ZNF792: variants seen among roughly 807,000 people sequenced by gnomAD.
ZNF792 encodes the protein zinc finger protein 792.
Under a neutral mutation model 13.1 loss-of-function variants are expected in ZNF792, and 14 were observed. That is an observed-to-expected ratio of 1.07 (90% CI 0.71 to 1.67). The LOEUF is 1.67. Ranked by LOEUF, ZNF792 falls within the 40% of genes most tolerant of loss-of-function variation. ZNF792 has a pLI of 0.00. For synonymous variants in ZNF792, 257 were observed against 292.0 expected, an observed-to-expected ratio of 0.88 and a Z score of 1.22; for missense variants, 740 against 807.9, an observed-to-expected ratio of 0.92 and a Z score of 1.02.
chr19:34,963,716 G>A lies in ZNF792; in HGVS notation c.-54C>T, dbSNP rs1460342891. The stretch of plus-strand genomic sequence containing the variant: ...CGGTGCGGGAAACCACGGGGCGGGG[G>A]TAGGGGGTCTCGCAGGCTGAGGCTA... On this transcript the variant is annotated 5_prime_UTR_variant, in exon 1 of 4. Transcript: ENST00000404801. 10 of 1,521,100 alleles carry A rather than the reference G, an allele frequency of 6.6e-6. No homozygotes were observed. Among genetic ancestry groups the A allele is most frequent in the Middle Eastern group, 3.5e-4 (2 of 5,752 alleles). 94.2% of individuals were successfully genotyped at this position (1,521,100 alleles called of 1,614,324 possible). A position where few individuals can be genotyped will look rare whatever the true frequency, so the allele number is the denominator to read the frequency against.
Position 34,963,762 on chromosome 19 carries a change from C to T in ZNF792, c.-100G>A. On this transcript the variant is annotated 5_prime_UTR_variant, in exon 1 of 4. Coordinates refer to ENST00000404801, the MANE Select transcript of ZNF792 (RefSeq NM_175872.5). ...GGCTACCACCCACCTGGCCGTGCCC[C>T]AGACGAGGTGTGACCCCGGGCTGAG... 2.2e-6 allele frequency: 3 copies of T among 1,343,612 alleles called. No individual in the cohort carries two copies. The highest frequency in any genetic ancestry group is 3.0e-6 in the Non-Finnish European group (3 of 998,182). 83.2% of individuals were successfully genotyped at this position (1,343,612 alleles called of 1,614,324 possible). A position where few individuals can be genotyped will look rare whatever the true frequency, so the allele number is the denominator to read the frequency against.
In ZNF792 at chr19:34,958,792, G is replaced by C; in HGVS notation, c.1063C>G (p.Gln355Glu). The change falls in exon 4 of 4, where the codon CAG becomes GAG. Residue 355 changes from glutamine to glutamate, a missense_variant. Transcript: ENST00000404801. Reference sequence around the variant, plus strand: ...TCACCAGTGTGAACCCTCTTATGCTGAATGAGGTTGGAGCTTCGGCTGAAG... The same window carrying C: ...TCACCAGTGTGAACCCTCTTATGCTCAATGAGGTTGGAGCTTCGGCTGAAG... ...KFFSRSSNLI[Q>E]HKRVHTGEKP... 6.2e-7 allele frequency: 1 copy of C among 1,613,204 alleles called. No homozygotes were observed. The highest frequency in any genetic ancestry group is 8.5e-7 in the Non-Finnish European group (1 of 1,179,758).
rs535749588 is a variant in ZNF792, at chr19:34,963,813, C to T, written c.-151G>A. 4 of 913,360 alleles carry T rather than the reference C, an allele frequency of 4.4e-6. No homozygotes were observed. Among genetic ancestry groups the T allele is most frequent in the Admixed American group, 3.2e-5 (1 of 31,170 alleles). The allele number at this position is 913,360 out of a possible 1,614,324, so 56.6% of individuals were successfully genotyped here. A position where few individuals can be genotyped will look rare whatever the true frequency, so the allele number is the denominator to read the frequency against. On this transcript the variant is annotated 5_prime_UTR_variant, in exon 1 of 4. Coordinates refer to ENST00000404801, the MANE Select transcript of ZNF792 (RefSeq NM_175872.5). ...GGTCGCACTCCTAGCCTCAGTCTCC[C>T]CCGTGCAAAATGCGCAAGGGGCCCG...
intron 2 of ZNF792, chr19:34,960,651 T>C: frequency 1.3e-6 from 1 of 756,108 alleles, no homozygotes; most frequent in Non-Finnish European, 2.1e-6. Context: ...GCCTGGAGCT[T>C]CCCTGCAAGG....
At chr19:34,961,330 T>C (rs1209167798) in intron 1 of ZNF792, among the ~76,000 whole-genome samples, 3 of 152,034 alleles carry the variant, frequency 2.0e-5, no homozygotes, top group Non-Finnish European at 4.4e-5. Flanking sequence ...TCATACTCCC[T>C]CCCACGTGCG....
At position 34,958,875 on chromosome 19, in the gene ZNF792, T is replaced by C; in HGVS notation, c.980A>G (p.Lys327Arg). The C allele has an allele frequency of 6.2e-7, 1 of 1,613,598 alleles. No individual in the cohort carries two copies. The highest frequency in any genetic ancestry group is 1.7e-5 in the Admixed American group (1 of 60,002). The stretch of plus-strand genomic sequence containing the variant: ...TTCACCGGTGTGAACCCTGCGATGT[T>C]TAACAAGGCTGGAGTGCTGGCTGAA... ...KFFSQHSSLVKHRRVHTGESP... is the reference protein window; with the variant it reads ...KFFSQHSSLVRHRRVHTGESP... The change falls in exon 4 of 4, where the codon AAA (lysine) becomes AGA (arginine). Residue 327 changes from lysine to arginine, a missense_variant. Lys to Arg is a conservative substitution (Grantham distance 26, BLOSUM62 2). Coordinates refer to ENST00000404801, the MANE Select transcript of ZNF792 (RefSeq NM_175872.5).
In ZNF792 at chr19:34,956,795, C is replaced by T. The variant is rs2013438082; in HGVS notation, c.*1161G>A. ...TTTTTCTCAGTCCCTATTTTCCTGC[C>T]AGCACAGCACTGGCCTTCAGATGCA... On this transcript the variant is annotated 3_prime_UTR_variant, in exon 4 of 4. Transcript: ENST00000404801. The T allele has an allele frequency of 6.6e-6, 1 of 152,172 alleles. No homozygotes were observed. Among genetic ancestry groups the T allele is most frequent in the Non-Finnish European group, 1.5e-5 (1 of 68,050 alleles). 9.4% of individuals were successfully genotyped at this position (152,172 alleles called of 1,614,324 possible). A position where few individuals can be genotyped will look rare whatever the true frequency, so the allele number is the denominator to read the frequency against.
chr19:34,960,681 G>T, intron 2 of ZNF792, 187 bp downstream of exon 2: 1 of 890,262 alleles, frequency 1.1e-6, no homozygotes, highest in South Asian at 1.7e-5. Context: ...GCAGGTGTGG[G>T]GGCAGCTCAG....
chr19:34,956,417 T>TA lies in ZNF792; in HGVS notation c.*1538dup, dbSNP rs1401340000. On this transcript the variant is annotated 3_prime_UTR_variant, in exon 4 of 4. Transcript: ENST00000404801. ...CTAGAAAAGGCAAACAAATCTAAAGTAAAAAATGTAAATCAACGGTTTCCT... is the reference window on the plus strand; with the variant it reads ...CTAGAAAAGGCAAACAAATCTAAAGTAAAAAAATGTAAATCAACGGTTTCCT... 6 of 151,962 alleles carry TA rather than the reference T, an allele frequency of 3.9e-5. No homozygotes were observed. The highest frequency in any genetic ancestry group is 7.4e-5 in the Non-Finnish European group (5 of 67,980). 9.4% of individuals were successfully genotyped at this position (151,962 alleles called of 1,614,324 possible). A position where few individuals can be genotyped will look rare whatever the true frequency, so the allele number is the denominator to read the frequency against.
At position 34,959,027 on chromosome 19, in the gene ZNF792, G is replaced by A; in HGVS notation, c.828C>T (p.His276=). Residue 276 remains histidine (H), a synonymous_variant, in exon 4 of 4, where the codon CAC becomes CAT. Coordinates refer to ENST00000404801, the MANE Select transcript of ZNF792 (RefSeq NM_175872.5). ...TGCATTCATAAGGCCTTTCTCTGCT[G>A]TGGATTCTCTGGTGCTGAACAAGAG... The part of the protein sequence containing the change: ...KSTLVQHQRI[H]SRERPYECSK... 6.2e-7 allele frequency: 1 copy of A among 1,614,146 alleles called. No individual in the cohort carries two copies. The highest frequency in any genetic ancestry group is 1.7e-5 in the Admixed American group (1 of 60,028).
Position 34,957,864 on chromosome 19 carries a change from T to C in ZNF792, c.*92A>G. 1 of 1,325,512 alleles carries C rather than the reference T, an allele frequency of 7.5e-7. No homozygotes were observed. The allele number at this position is 1,325,512 out of a possible 1,614,324, so 82.1% of individuals were successfully genotyped here. A position where few individuals can be genotyped will look rare whatever the true frequency, so the allele number is the denominator to read the frequency against. ...CAGTGTGTGGTGCTGACATGGCTTC[T>C]ATCACAACCCCAGCAGTGAAAAAAC... is the stretch of plus-strand genomic sequence containing the variant. On this transcript the variant is annotated 3_prime_UTR_variant, in exon 4 of 4. Transcript: ENST00000404801.
In ZNF792 at chr19:34,960,226, G is replaced by T; in HGVS notation, c.283+9C>A. Reference sequence around the variant, plus strand: ...GTCACATCCTCCCCTAGCTCCCATCGCTGCTTACCAGAGCCAGGCCTGCCA... The same window carrying T: ...GTCACATCCTCCCCTAGCTCCCATCTCTGCTTACCAGAGCCAGGCCTGCCA... On this transcript the variant is annotated intron_variant, in intron 3 of 3. Coordinates refer to ENST00000404801, the MANE Select transcript of ZNF792 (RefSeq NM_175872.5). The T allele has an allele frequency of 1.2e-6, 2 of 1,613,038 alleles. No homozygotes were observed. The highest frequency in any genetic ancestry group is 1.1e-5 in the South Asian group (1 of 91,056).
rs1353715386 is a variant in ZNF792, at chr19:34,963,506, T to G, written c.33+124A>C. ...GGAGCAACTCCCTTCCAGGGTCCCC[T>G]GACTCAAAAGCAAGGAAATGGGAAA... On this transcript the variant is annotated intron_variant, in intron 1 of 3. Transcript: ENST00000404801. 8 of 1,408,412 alleles carry G rather than the reference T, an allele frequency of 5.7e-6. No homozygotes were observed. In the South Asian group the frequency reaches 8.6e-5, roughly 15 times the overall value. The allele number at this position is 1,408,412 out of a possible 1,614,324, so 87.2% of individuals were successfully genotyped here. A position where few individuals can be genotyped will look rare whatever the true frequency, so the allele number is the denominator to read the frequency against.
rs1226617530 is a variant in ZNF792, at chr19:34,956,621, T to C, written c.*1335A>G. On this transcript the variant is annotated 3_prime_UTR_variant, in exon 4 of 4. Coordinates refer to ENST00000404801, the MANE Select transcript of ZNF792 (RefSeq NM_175872.5). ...ATCAACAAAGCATTAAAAGAAACTG[T>C]TGCACATAAAAATCCAACTTCCTAC... is the stretch of plus-strand genomic sequence containing the variant. 6.6e-6 allele frequency: 1 copy of C among 152,186 alleles called. No individual in the cohort carries two copies. Among genetic ancestry groups the C allele is most frequent in the East Asian group, 1.9e-4 (1 of 5,202 alleles). The allele number at this position is 152,186 out of a possible 1,614,324, so 9.4% of individuals were successfully genotyped here.
In ZNF792 at chr19:34,964,000, G is replaced by A. The variant is rs1304132631; in HGVS notation, c.-338C>T. On this transcript the variant is annotated 5_prime_UTR_variant, in exon 1 of 4. Transcript: ENST00000404801. ...CAGCTTCACGGGCGTAGCCCCAGCC[G>A]CCCCGCCCCCAACTCGGGGTCCCCA... The A allele has an allele frequency of 6.7e-6, 2 of 299,322 alleles. No homozygotes were observed. Among genetic ancestry groups the A allele is most frequent in the Non-Finnish European group, 1.2e-5 (2 of 162,468 alleles). 18.5% of individuals were successfully genotyped at this position (299,322 alleles called of 1,614,324 possible).
rs754651993 is a variant in ZNF792, at chr19:34,958,373, A to G, written c.1482T>C (p.Asn494=). The change falls in exon 4 of 4, where the codon AAT becomes AAC. Residue 494 remains asparagine, a synonymous_variant. Transcript: ENST00000404801. ...GKLFSQSSSL[N]SHRRLHTGER... is the part of the protein sequence containing the mutation. ...CACCAGTGTGAAGTCTCCGATGGCT[A>G]TTGAGGCTGGAGCTCTGGCTAAATA... is the stretch of plus-strand genomic sequence containing the variant. 1 of 1,613,636 alleles carries G rather than the reference A, an allele frequency of 6.2e-7. No individual in the cohort carries two copies. Among genetic ancestry groups the G allele is most frequent in the Non-Finnish European group, 8.5e-7 (1 of 1,179,802 alleles).
Position 34,960,332 on chromosome 19 carries a change from G to A in ZNF792, c.186C>T (p.Ile62=), listed in dbSNP as rs750303949. ...CTTTCCCCATCTCCAACTGGGAAAC[G>A]ATGTGGGACCTGAAAGATATAAGTC... ...SLGLISFRSH[I]VSQLEMGKEP... Residue 62 remains isoleucine (I), a synonymous_variant, in exon 3 of 4, where the codon ATC becomes ATT. Coordinates refer to ENST00000404801, the MANE Select transcript of ZNF792 (RefSeq NM_175872.5). 2.2e-5 allele frequency: 36 copies of A among 1,613,458 alleles called. No individual in the cohort carries two copies. Among genetic ancestry groups the A allele is most frequent in the Non-Finnish European group, 2.8e-5 (33 of 1,179,754 alleles).
Position 34,958,220 on chromosome 19 carries a change from C to T in ZNF792, c.1635G>A (p.Gln545=). 5.0e-6 allele frequency: 8 copies of T among 1,613,932 alleles called. No individual in the cohort carries two copies. Among genetic ancestry groups the T allele is most frequent in the Non-Finnish European group, 6.8e-6 (8 of 1,179,878 alleles). ...ECSECGKTFR[Q]RSNLRQHLKV... ...TCAGGTGCTGCCTCAGATTGGACCT[C>T]TGCCTGAAGGTTTTCCCACATTCGC... The change falls in exon 4 of 4, where the codon CAG becomes CAA. Residue 545 remains glutamine, a synonymous_variant. Coordinates refer to ENST00000404801, the MANE Select transcript of ZNF792 (RefSeq NM_175872.5).
At position 34,957,920 on chromosome 19, in the gene ZNF792, C is replaced by T. The variant is rs1239316750; in HGVS notation, c.*36G>A. ...TAAACTCTACAGTAAGAGAATGTAA[C>T]TTGTCTCCAGAAAGCTTCCAACACA... On this transcript the variant is annotated 3_prime_UTR_variant, in exon 4 of 4. Coordinates refer to ENST00000404801, the MANE Select transcript of ZNF792 (RefSeq NM_175872.5). The T allele has an allele frequency of 1.4e-5, 22 of 1,544,162 alleles. No individual in the cohort carries two copies. The highest frequency in any genetic ancestry group is 1.8e-4 in the Middle Eastern group (1 of 5,700).
Sources: allele counts gnomAD v4.1 joint callset (sites outside exome capture counted in the v4.1 genomes callset), GRCh38; gene constraint gnomAD v4.1.1; transcripts MANE v1.5; gene names NCBI Gene and HGNC (gene_info 2026-07-23, HGNC 2026-07-21).